AGAP1: variants seen among roughly 807,000 people sequenced by gnomAD.
AGAP1 encodes the protein ArfGAP with GTPase domain, ankyrin repeat and PH domain 1, also known as arf-GAP with GTPase, ANK repeat and PH domain-containing protein 1.
A neutral mutation model predicts 105.3 loss-of-function variants in AGAP1; 29 were observed. The observed-to-expected ratio is 0.28, with a 90% CI of 0.21 to 0.38. The LOEUF (loss-of-function observed/expected upper bound fraction) is 0.38, where lower values mean the gene tolerates loss of function less well. AGAP1 is among the 10% of genes least tolerant of loss of function. The pLI, the probability that AGAP1 is intolerant of heterozygous loss-of-function variation, is 1.00. For synonymous variants in AGAP1, 509 were observed against 485.9 expected (o/e 1.05, Z -0.63); for missense variants, 998 against 1,165.1 (o/e 0.86, Z 2.09).
Position 235,891,037 on chromosome 2 carries a change from C to A in AGAP1, c.1155+7588C>A, listed in dbSNP as rs1220836755. On this transcript the variant is annotated intron_variant, in intron 10 of 17. Coordinates refer to ENST00000304032, the MANE Select transcript of AGAP1 (RefSeq NM_001037131.3). This position sits in a 1 kb window ranked among gnomAD's most constrained non-coding sequence, Gnocchi z 4.2. The stretch of plus-strand genomic sequence containing the variant: ...CAGTTGAGATAACAGATAGAAAACT[C>A]AACCAAATAATGAATGAAACTGCCT... Among the ~76,000 whole-genome samples, 1 of 151,504 alleles carries A rather than the reference C, an allele frequency of 6.6e-6. No individual in the cohort carries two copies. Among genetic ancestry groups the A allele is most frequent in the East Asian group, 2.0e-4 (1 of 5,118 alleles).
chr2:236,017,968 A>G (rs1219712714), intron 13 of AGAP1, among the ~76,000 whole-genome samples: 1 of 152,202 alleles, frequency 6.6e-6, no homozygotes, highest in Non-Finnish European at 1.5e-5. Flanking sequence ...GAGTTTGTGG[A>G]TGGAAGTCAG....
Position 235,960,924 on chromosome 2 carries a change from G to C in AGAP1, c.1484-7538G>C, listed in dbSNP as rs1270742653. Among the ~76,000 whole-genome samples the C allele has an allele frequency of 6.6e-6, 1 of 152,210 alleles. No individual in the cohort carries two copies. Among genetic ancestry groups the C allele is most frequent in the Non-Finnish European group, 1.5e-5 (1 of 68,042 alleles). ...TGCTTGTGGCTGGTTTTAAAACTAA[G>C]TCGCGAAATTGATACACTGCTGTGT... is the stretch of plus-strand genomic sequence containing the variant. On this transcript the variant is annotated intron_variant, in intron 12 of 17. Transcript: ENST00000304032. This position sits in a 1 kb window ranked among gnomAD's most constrained non-coding sequence, Gnocchi z 4.9.
chr2:235,710,770 C>T (rs1248905857), intron 2 of AGAP1, among the ~76,000 whole-genome samples: 1 of 152,142 alleles, frequency 6.6e-6, no homozygotes, highest in Admixed American at 6.5e-5. Context: ...AGAACAATCC[C>T]GCAGTTTCCG....
At chr2:236,011,093 GT>G (rs1171720290) in intron 13 of AGAP1, among the ~76,000 whole-genome samples, 2 of 152,240 alleles carry the variant, frequency 1.3e-5, no homozygotes. Context: ...ATGATGATGA[GT>G]TTTCCATGTG....
intron 11 of AGAP1, among the ~76,000 whole-genome samples, chr2:235,926,722 C>T (rs1057194506): frequency 6.6e-6 from 1 of 152,156 alleles, no homozygotes; most frequent in Non-Finnish European, 1.5e-5. Context: ...TGGAATGAGC[C>T]TCCTCCTCCG....
intron 1 of AGAP1, among the ~76,000 whole-genome samples, chr2:235,686,753 A>G (rs1288164638): frequency 2.0e-5 from 3 of 148,756 alleles, no homozygotes; most frequent in Non-Finnish European, 4.4e-5. Context: ...CCATGGGCTT[A>G]AGCAGTCTTC....
chr2:235,807,810 C>T lies in AGAP1; in HGVS notation c.1050+479C>T, dbSNP rs756534147. On this transcript the variant is annotated intron_variant, in intron 9 of 17. Transcript: ENST00000304032. ...AATCATAGCCGGTGTGTCAGCTGTG[C>T]GCTCTTGTTTGTAATTTGCTAATGA... 6.6e-5 allele frequency among the ~76,000 whole-genome samples: 10 copies of T among 152,240 alleles called. No homozygotes were observed. In the East Asian group the frequency reaches 9.7e-4, roughly 15 times the overall value.
In AGAP1 at chr2:236,038,257, T is replaced by C. The variant is rs1226433926; in HGVS notation, c.1800+1542T>C. Among the ~76,000 whole-genome samples, 1 of 152,156 alleles carries C rather than the reference T, an allele frequency of 6.6e-6. No individual in the cohort carries two copies. Among genetic ancestry groups the C allele is most frequent in the African/African-American group, 2.4e-5 (1 of 41,428 alleles). ...AACAGCACACAGCATCCTCCAAGCG[T>C]GGGCAGCTCATTCTGAGAAGGAAGG... On this transcript the variant is annotated intron_variant, in intron 14 of 17. Transcript: ENST00000304032. This position sits in a 1 kb window ranked among gnomAD's most constrained non-coding sequence, Gnocchi z 4.5.
intron 1 of AGAP1, among the ~76,000 whole-genome samples, chr2:235,641,628 G>A (rs560550374): frequency 5.9e-5 from 9 of 152,126 alleles, no homozygotes; most frequent in Admixed American, 2.0e-4. Context: ...TTTGTCCCAA[G>A]GCTTTACTTT....
chr2:235,797,278 A>G (rs908885145), intron 6 of AGAP1, among the ~76,000 whole-genome samples: 1 of 152,034 alleles, frequency 6.6e-6, no homozygotes, highest in Admixed American at 6.6e-5. Flanking sequence ...TTTGCTTTAC[A>G]TTCCTCTGAG....
intron 1 of AGAP1, among the ~76,000 whole-genome samples, chr2:235,653,436 C>T (rs936789451): frequency 6.6e-6 from 1 of 151,906 alleles, no homozygotes; most frequent in Non-Finnish European, 1.5e-5. Flanking sequence ...TGCATTCCAG[C>T]CTGGGCGAAA....
chr2:235,580,730 A>ACAT (rs1944903082), intron 1 of AGAP1, among the ~76,000 whole-genome samples: 1 of 152,114 alleles, frequency 6.6e-6, no homozygotes, highest in East Asian at 1.9e-4. Flanking sequence ...TGACAGTGGC[A>ACAT]CTTAGATGAC....
At position 235,953,746 on chromosome 2, in the gene AGAP1, A is replaced by G. The variant is rs1011388611; in HGVS notation, c.1484-14716A>G. 1.3e-5 allele frequency among the ~76,000 whole-genome samples: 2 copies of G among 152,140 alleles called. No homozygotes were observed. Among genetic ancestry groups the G allele is most frequent in the Admixed American group, 6.5e-5 (1 of 15,280 alleles). On this transcript the variant is annotated intron_variant, in intron 12 of 17. Coordinates refer to ENST00000304032, the MANE Select transcript of AGAP1 (RefSeq NM_001037131.3). The surrounding 1 kb of genome is among the most constrained non-coding windows in gnomAD (Gnocchi z 5.2). ...GGAGTTTGAGACCAGCCTGGGAGGT[A>G]TAGTGAGACCCCATCTCTACAAAGA... is the stretch of plus-strand genomic sequence containing the variant.
At chr2:235,903,591 C>T (rs1383655586) in intron 10 of AGAP1, among the ~76,000 whole-genome samples, 1 of 152,140 alleles carries the variant, frequency 6.6e-6, no homozygotes, top group Admixed American at 6.5e-5. Context: ...GTATTTTGAG[C>T]TTAACTTCAA....
Position 235,732,404 on chromosome 2 carries a change from G to T in AGAP1, c.311-8559G>T, listed in dbSNP as rs896957860. Among the ~76,000 whole-genome samples, 1 of 152,042 alleles carries T rather than the reference G, an allele frequency of 6.6e-6. No individual in the cohort carries two copies. Among genetic ancestry groups the T allele is most frequent in the Non-Finnish European group, 1.5e-5 (1 of 68,016 alleles). Reference sequence around the variant, plus strand: ...AATGCCGTTTTGATCCTCAGATCTGGACGTTTCCATTTTATCTCATATTGT... The same window carrying T: ...AATGCCGTTTTGATCCTCAGATCTGTACGTTTCCATTTTATCTCATATTGT... On this transcript the variant is annotated intron_variant, in intron 3 of 17. Coordinates refer to ENST00000304032, the MANE Select transcript of AGAP1 (RefSeq NM_001037131.3). This position sits in a 1 kb window ranked among gnomAD's most constrained non-coding sequence, Gnocchi z 4.8.
In AGAP1 at chr2:235,550,869, G is replaced by T. The variant is rs1009860578; in HGVS notation, c.163+56020G>T. 6.6e-6 allele frequency among the ~76,000 whole-genome samples: 1 copy of T among 152,008 alleles called. No homozygotes were observed. Among genetic ancestry groups the T allele is most frequent in the African/African-American group, 2.4e-5 (1 of 41,370 alleles). On this transcript the variant is annotated intron_variant, in intron 1 of 17. Coordinates refer to ENST00000304032, the MANE Select transcript of AGAP1 (RefSeq NM_001037131.3). The surrounding 1 kb of genome is among the most constrained non-coding windows in gnomAD (Gnocchi z 4.6). ...GGCTCACTACAACCTCCACCTCCTG[G>T]GTCCAAGCAATTCTCCTGCCTCAGC...
At chr2:235,949,405 C>T (rs763522476) in intron 12 of AGAP1, among the ~76,000 whole-genome samples, 8 of 152,070 alleles carry the variant, frequency 5.3e-5, no homozygotes, top group South Asian at 2.1e-4. Flanking sequence ...CAAAAGAGGG[C>T]GGTGGCCAGG....
intron 13 of AGAP1, among the ~76,000 whole-genome samples, chr2:235,974,808 A>G (rs940806853): frequency 2.1e-4 from 32 of 152,224 alleles, no homozygotes; most frequent in Non-Finnish European, 2.9e-4. Context: ...TTATTCTTTC[A>G]TCAAATATGA....
intron 1 of AGAP1, among the ~76,000 whole-genome samples, chr2:235,571,931 T>TG (rs1171781101): frequency 1.9e-4 from 19 of 102,070 alleles, no homozygotes; most frequent in Admixed American, 7.9e-4. Flanking sequence ...TTGCCCACAC[T>TG]TTGTGTGTGT....
Sources: gnomAD v4.1 joint callset for allele counts (sites outside exome capture counted in the v4.1 genomes callset) on GRCh38, gnomAD v4.1.1 for gene constraint, Gnocchi (gnomAD v3.1) non-coding constraint, MANE v1.5 for transcripts, NCBI Gene and HGNC (gene_info 2026-07-23, HGNC 2026-07-21) for gene names.